Variants in KRT33B observed in about 807,000 individuals in gnomAD.
KRT33B encodes keratin 33B.
Under a neutral mutation model 42.7 loss-of-function variants are expected in KRT33B, and 37 were observed. The observed-to-expected ratio is 0.87, with a 90% CI of 0.67 to 1.14. The LOEUF (loss-of-function observed/expected upper bound fraction) is 1.14. Among genes scored for constraint, KRT33B ranks in the 50% most tolerant of loss-of-function variants. The pLI, the probability that KRT33B is intolerant of heterozygous loss-of-function variation, is 0.00. For synonymous variants in KRT33B, 237 were observed against 221.2 expected, an observed-to-expected ratio of 1.07 and a Z score of -0.63; for missense variants, 523 against 515.1, an observed-to-expected ratio of 1.02 and a Z score of -0.15.
Position 41,365,156 on chromosome 17 carries a change from A to C in KRT33B, c.876+19T>G, listed in dbSNP as rs1448300260. 4 of 1,610,846 alleles carry C rather than the reference A, an allele frequency of 2.5e-6. No homozygotes were observed. In the Admixed American group the frequency reaches 6.7e-5, roughly 27 times the overall value. On this transcript the variant is annotated intron_variant, in intron 5 of 6. Transcript: ENST00000251646. ...TCCCAAGTTCCCATCGCTCACCAGC[A>C]GGTCTGAACAATACACACCAGGTTG...
intron 1 of KRT33B, among the ~76,000 whole-genome samples, chr17:41,368,944 A>T: frequency 6.6e-6 from 1 of 151,432 alleles, no homozygotes; most frequent in Non-Finnish European, 1.5e-5. Flanking sequence ...GTGTCTGTAG[A>T]TATTGCTGGA....
At chr17:41,366,224 A>G (rs557121590) in intron 3 of KRT33B, among the ~76,000 whole-genome samples, 1 of 151,366 alleles carries the variant, frequency 6.6e-6, no homozygotes, top group East Asian at 1.9e-4. Flanking sequence ...CAGTAGTTTA[A>G]AGATATTTGT....
intron 3 of KRT33B, among the ~76,000 whole-genome samples, chr17:41,366,180 C>A (rs2017698314): frequency 6.6e-6 from 1 of 151,192 alleles, no homozygotes. Flanking sequence ...CCTGGCACCT[C>A]TTCAGAAGCT....
chr17:41,366,547 G>A lies in KRT33B; in HGVS notation c.511C>T (p.Leu171=). Residue 171 remains leucine (L), a synonymous_variant, in exon 3 of 7, where the codon CTG becomes TTG. Transcript: ENST00000251646. ...SLRRILDELT[L]CRSDLEAQME... is the part of the protein sequence containing the mutation. Reference sequence around the variant, plus strand: ...TGGGCCTCCAGGTCAGACCTGCACAGGGTCAGCTCATCCAGAATCCTGCGC... The same window carrying A: ...TGGGCCTCCAGGTCAGACCTGCACAAGGTCAGCTCATCCAGAATCCTGCGC... The A allele has an allele frequency of 6.2e-7, 1 of 1,612,564 alleles. No homozygotes were observed. The highest frequency in any genetic ancestry group is 8.5e-7 in the Non-Finnish European group (1 of 1,180,008).
At chr17:41,368,486 C>A (rs1160587022) in intron 1 of KRT33B, among the ~76,000 whole-genome samples, 3 of 151,266 alleles carry the variant, frequency 2.0e-5, no homozygotes, top group Non-Finnish European at 4.4e-5. Flanking sequence ...CATACTTAAT[C>A]AATAACACTT....
At position 41,369,673 on chromosome 17, in the gene KRT33B, G is replaced by A; in HGVS notation, c.78C>T (p.Cys26=). 6.2e-7 allele frequency: 1 copy of A among 1,613,962 alleles called. No individual in the cohort carries two copies. Among genetic ancestry groups the A allele is most frequent in the Non-Finnish European group, 8.5e-7 (1 of 1,179,982 alleles). ...AGGCCCCGGGCAGGGTGTAGCCGTG[G>A]CAGCTGGGGGGCACACAGGGCCGGG... The part of the protein sequence containing the change: ...CSSRPCVPPS[C]HGYTLPGACN... Residue 26 remains cysteine, a synonymous_variant, in exon 1 of 7, where the codon TGC becomes TGT. Coordinates refer to ENST00000251646, the MANE Select transcript of KRT33B (RefSeq NM_002279.5).
In KRT33B at chr17:41,365,446, A is replaced by G; in HGVS notation, c.696T>C (p.Tyr232=). ...NQVLNETRNQ[Y]EALVETNRRE... The stretch of plus-strand genomic sequence containing the variant: ...TGCGGTTGGTTTCCACCAGGGCCTC[A>G]TACTGATTCCTGGTCTCGTTCAGGA... The change falls in exon 4 of 7, where the codon TAT becomes TAC. Residue 232 remains tyrosine (Y), a synonymous_variant. Coordinates refer to ENST00000251646, the MANE Select transcript of KRT33B (RefSeq NM_002279.5). 3 of 1,613,074 alleles carry G rather than the reference A, an allele frequency of 1.9e-6. No individual in the cohort carries two copies. The highest frequency in any genetic ancestry group is 1.7e-6 in the Non-Finnish European group (2 of 1,180,030).
chr17:41,365,164 A>G lies in KRT33B; in HGVS notation c.876+11T>C, dbSNP rs1165619173. ...TCCCATCGCTCACCAGCAGGTCTGAACAATACACACCAGGTTGTGCTGGGC... is the reference window on the plus strand; with the variant it reads ...TCCCATCGCTCACCAGCAGGTCTGAGCAATACACACCAGGTTGTGCTGGGC... On this transcript the variant is annotated intron_variant, in intron 5 of 6. Coordinates refer to ENST00000251646, the MANE Select transcript of KRT33B (RefSeq NM_002279.5). The G allele has an allele frequency of 5.6e-6, 9 of 1,611,486 alleles. No homozygotes were observed. The highest frequency in any genetic ancestry group is 7.6e-6 in the Non-Finnish European group (9 of 1,179,972).
chr17:41,365,912 AGAGT>A (rs1393075185), intron 3 of KRT33B, among the ~76,000 whole-genome samples: 1 of 151,120 alleles, frequency 6.6e-6, no homozygotes, highest in East Asian at 1.9e-4. Flanking sequence ...GGATACTACT[AGAGT>A]ATGACACATG....
In KRT33B at chr17:41,369,438, A is replaced by G. The variant is rs1160839213; in HGVS notation, c.313T>C (p.Ser105Pro). Residue 105 changes from serine to proline, a missense_variant, in exon 1 of 7, where the codon TCC (serine) becomes CCC (proline). Ser to Pro is a moderately conservative substitution (Grantham distance 74). Transcript: ENST00000251646. ...QEPLLCPSYQ[S>P]YFKTIEELQQ... is the part of the protein sequence containing the mutation. ...AGCTCCTCAATGGTCTTGAAGTAGG[A>G]CTGGTAGCTGGGGCACAGCAAGGGC... 6 of 1,613,216 alleles carry G rather than the reference A, an allele frequency of 3.7e-6. No homozygotes were observed. Among genetic ancestry groups the G allele is most frequent in the Non-Finnish European group, 5.1e-6 (6 of 1,180,050 alleles).
chr17:41,365,698 G>T, intron 3 of KRT33B, 145 bp from the exon 4 acceptor site: 2 of 1,058,604 alleles, frequency 1.9e-6, no homozygotes, highest in Non-Finnish European at 2.7e-6. Context: ...GGAAATTCTG[G>T]CCTCTTCTCT....
chr17:41,365,138 T>G, intron 5 of KRT33B, 37 bp downstream of exon 5: 1 of 1,609,922 alleles, frequency 6.2e-7, no homozygotes, highest in Non-Finnish European at 8.5e-7. Context: ...GCCTCCCAAG[T>G]TCCCATCGCT....
At chr17:41,365,605 C>T (rs2017690912) in intron 3 of KRT33B, 52 bp from the exon 4 acceptor site, 1 of 1,579,620 alleles carries the variant, frequency 6.3e-7, no homozygotes, top group South Asian at 1.2e-5. Context: ...CTTTCAATAA[C>T]TTCTTTGAGG....
At position 41,366,290 on chromosome 17, in the gene KRT33B, A is replaced by G. The variant is rs77263381; in HGVS notation, c.588+180T>C. Among the ~76,000 whole-genome samples the G allele has an allele frequency of 5.2e-3, 789 of 151,280 alleles. 55 individuals carry two copies. Among genetic ancestry groups the G allele is most frequent in the African/African-American group, 0.019 (755 of 40,620 alleles). On this transcript the variant is annotated intron_variant, in intron 3 of 6. Transcript: ENST00000251646. Reference sequence around the variant, plus strand: ...AAGGGGAAGTAGGTCAGCTTACCACACTCCTTTATGTAAAAAAGGTAAGCT... The same window carrying G: ...AAGGGGAAGTAGGTCAGCTTACCACGCTCCTTTATGTAAAAAAGGTAAGCT...
chr17:41,366,638 G>A lies in KRT33B; in HGVS notation c.432-12C>T. The A allele has an allele frequency of 6.3e-7, 1 of 1,583,278 alleles. No homozygotes were observed. The highest frequency in any genetic ancestry group is 8.6e-7 in the Non-Finnish European group (1 of 1,168,068). Reference sequence around the variant, plus strand: ...GCTCCGTCTGGTACCTGCACACACAGCCAGAGGTCAAAAGAGGTCCAAAAA... The same window carrying A: ...GCTCCGTCTGGTACCTGCACACACAACCAGAGGTCAAAAGAGGTCCAAAAA... On this transcript the variant is annotated splice_polypyrimidine_tract_variant and intron_variant, in intron 2 of 6. Transcript: ENST00000251646.
In KRT33B at chr17:41,369,438, A is replaced by T. The variant is rs1160839213; in HGVS notation, c.313T>A (p.Ser105Thr). 1 of 1,613,334 alleles carries T rather than the reference A, an allele frequency of 6.2e-7. No homozygotes were observed. The highest frequency in any genetic ancestry group is 8.5e-7 in the Non-Finnish European group (1 of 1,180,042). The change falls in exon 1 of 7, where the codon TCC (serine) becomes ACC (threonine). Residue 105 changes from serine to threonine, a missense_variant. Transcript: ENST00000251646. ...AGCTCCTCAATGGTCTTGAAGTAGG[A>T]CTGGTAGCTGGGGCACAGCAAGGGC... The part of the protein sequence containing the change: ...QEPLLCPSYQ[S>T]YFKTIEELQQ...
At chr17:41,368,785 A>G (rs188241612) in intron 1 of KRT33B, among the ~76,000 whole-genome samples, 1 of 151,288 alleles carries the variant, frequency 6.6e-6, no homozygotes, top group Non-Finnish European at 1.5e-5. Flanking sequence ...CCCCACTCAG[A>G]CATTGCCTCT....
Position 41,365,093 on chromosome 17 carries a change from A to G in KRT33B, c.876+82T>C, listed in dbSNP as rs2017678518. ...AACTCACAAGCTCCAAGAGCTAAGAAGAGTGTGTGGCCCCAAGGGCATCCC... is the reference window on the plus strand; with the variant it reads ...AACTCACAAGCTCCAAGAGCTAAGAGGAGTGTGTGGCCCCAAGGGCATCCC... On this transcript the variant is annotated intron_variant, in intron 5 of 6. Transcript: ENST00000251646. 41 of 1,609,346 alleles carry G rather than the reference A, an allele frequency of 2.5e-5. No individual in the cohort carries two copies. The South Asian group carries it at 4.2e-4, about 16-fold the overall frequency.
chr17:41,363,971 T>C lies in KRT33B; in HGVS notation c.1098-18A>G. 1 of 1,541,454 alleles carries C rather than the reference T, an allele frequency of 6.5e-7. No homozygotes were observed. The highest frequency in any genetic ancestry group is 8.9e-7 in the Non-Finnish European group (1 of 1,118,748). On this transcript the variant is annotated intron_variant, in intron 6 of 6. Coordinates refer to ENST00000251646, the MANE Select transcript of KRT33B (RefSeq NM_002279.5). Reference sequence around the variant, plus strand: ...AGGGCAGCCTGGGATGCAGAAGCATTAGACTGTCAGCATGAGAAGGGTGAT... The same window carrying C: ...AGGGCAGCCTGGGATGCAGAAGCATCAGACTGTCAGCATGAGAAGGGTGAT...
Sources: gnomAD v4.1 joint callset for allele counts (sites outside exome capture counted in the v4.1 genomes callset) on GRCh38, gnomAD v4.1.1 for gene constraint, MANE v1.5 for transcripts, NCBI Gene and HGNC (gene_info 2026-07-23, HGNC 2026-07-21) for gene names.